The following TBC1D5 variants were observed in gnomAD, a reference collection of about 807,000 sequenced individuals.
TBC1D5 encodes TBC1 domain family member 5.
Under a neutral mutation model 100.3 loss-of-function variants are expected in TBC1D5, and 75 were observed. The ratio of observed to expected loss-of-function variants is 0.75; its 90% CI spans 0.62 to 0.91. TBC1D5 has a LOEUF of 0.91. TBC1D5 is among the 40% of genes least tolerant of loss of function. The pLI is 0.00. For missense variants in TBC1D5, 910 were observed against 942.4 expected (o/e 0.97, Z 0.45); for synonymous variants, 323 against 325.6 (o/e 0.99, Z 0.09).
At chr3:17,738,798 G>A (rs1044990806) in intron 1 of TBC1D5, among the ~76,000 whole-genome samples, 2 of 152,120 alleles carry the variant, frequency 1.3e-5, no homozygotes, top group African/African-American at 4.8e-5. Flanking sequence ...GAGAGAATTT[G>A]GGACAATCTT....
intron 3 of TBC1D5, among the ~76,000 whole-genome samples, chr3:17,468,794 G>T (rs2095339475): frequency 6.6e-6 from 1 of 152,130 alleles, no homozygotes; most frequent in African/African-American, 2.4e-5. Flanking sequence ...TTAAACTAAT[G>T]ATGTTCCTTT....
At chr3:17,600,259 T>C (rs1474743640) in intron 2 of TBC1D5, among the ~76,000 whole-genome samples, 1 of 152,150 alleles carries the variant, frequency 6.6e-6, no homozygotes, top group African/African-American at 2.4e-5. Flanking sequence ...ACGGAGGTGA[T>C]AGGTGTATAT....
At chr3:17,732,567 C>A (rs1235191889) in intron 1 of TBC1D5, among the ~76,000 whole-genome samples, 2 of 151,368 alleles carry the variant, frequency 1.3e-5, no homozygotes, top group East Asian at 3.9e-4. Context: ...GGCAAAACCC[C>A]AACTCTACTA....
chr3:17,428,560 C>T (rs778370796), intron 3 of TBC1D5, 41 bp from the exon 4 acceptor site: 3 of 1,147,030 alleles, frequency 2.6e-6, no homozygotes, highest in East Asian at 5.6e-5. Context: ...TGGAGATAAA[C>T]TGAATATTTC....
At chr3:17,418,112 A>T (rs527458615) in intron 4 of TBC1D5, among the ~76,000 whole-genome samples, 2 of 152,294 alleles carry the variant, frequency 1.3e-5, no homozygotes, top group African/African-American at 2.4e-5. Flanking sequence ...GTATGTTCAG[A>T]TACAAGGACA....
chr3:17,485,008 G>A (rs1056285713), intron 3 of TBC1D5, among the ~76,000 whole-genome samples: 7 of 152,038 alleles, frequency 4.6e-5, no homozygotes, highest in Non-Finnish European at 1.0e-4. Flanking sequence ...ACAGAGATAT[G>A]ATAAACATAA....
At chr3:17,703,701 C>G (rs1219733494) in intron 1 of TBC1D5, among the ~76,000 whole-genome samples, 1 of 151,984 alleles carries the variant, frequency 6.6e-6, no homozygotes, top group Non-Finnish European at 1.5e-5. Flanking sequence ...GCTTTCCCAC[C>G]TAAACATCCC....
intron 4 of TBC1D5, among the ~76,000 whole-genome samples, chr3:17,412,574 T>TA (rs1054890727): frequency 2.0e-5 from 3 of 151,842 alleles, no homozygotes; most frequent in African/African-American, 7.3e-5. Flanking sequence ...CAGTTTAATT[T>TA]AAAAAAAAGT....
intron 18 of TBC1D5, among the ~76,000 whole-genome samples, chr3:17,194,066 G>T (rs2070330951): frequency 6.6e-6 from 1 of 152,086 alleles, no homozygotes; most frequent in African/African-American, 2.4e-5. Context: ...AGTAGGTCTG[G>T]GTTGGGGCCT....
chr3:17,481,769 C>T (rs1470969447), intron 3 of TBC1D5, among the ~76,000 whole-genome samples: 1 of 152,172 alleles, frequency 6.6e-6, no homozygotes, highest in Non-Finnish European at 1.5e-5. Context: ...GAGTCTCGCT[C>T]TTGTCGCCCA....
chr3:17,481,260 G>A (rs889246907), intron 3 of TBC1D5, among the ~76,000 whole-genome samples: 20 of 152,202 alleles, frequency 1.3e-4, no homozygotes, highest in South Asian at 6.2e-4. Flanking sequence ...GCCTGGCTGC[G>A]TGCAGTGGCC....
At chr3:17,386,215 A>G (rs1279839549) in intron 8 of TBC1D5, among the ~76,000 whole-genome samples, 1 of 152,086 alleles carries the variant, frequency 6.6e-6, no homozygotes, top group East Asian at 1.9e-4. Context: ...TTCATTCCCA[A>G]AAATCTGGAT....
At chr3:17,546,226 T>C (rs1443053992) in intron 2 of TBC1D5, among the ~76,000 whole-genome samples, 8 of 152,130 alleles carry the variant, frequency 5.3e-5, no homozygotes, top group Non-Finnish European at 8.8e-5. Context: ...AAAAAACCCA[T>C]AGCTATCATG....
intron 1 of TBC1D5, among the ~76,000 whole-genome samples, chr3:17,679,843 A>G (rs2069197041): frequency 6.6e-6 from 1 of 151,522 alleles, no homozygotes; most frequent in Admixed American, 6.6e-5. Flanking sequence ...GTTTTGTGGT[A>G]CTTGGGACAA....
At chr3:17,642,329 T>C (rs1457552535) in intron 1 of TBC1D5, among the ~76,000 whole-genome samples, 2 of 152,102 alleles carry the variant, frequency 1.3e-5, no homozygotes, top group Non-Finnish European at 2.9e-5. Flanking sequence ...TATAACCATA[T>C]ATATTATCAT....
intron 1 of TBC1D5, among the ~76,000 whole-genome samples, chr3:17,702,506 C>T (rs2073354624): frequency 6.6e-6 from 1 of 151,898 alleles, no homozygotes; most frequent in South Asian, 2.1e-4. Flanking sequence ...AAAAAATACA[C>T]AGAAAAGGAT....
At chr3:17,533,916 A>G (rs566877809) in intron 2 of TBC1D5, among the ~76,000 whole-genome samples, 1 of 152,286 alleles carries the variant, frequency 6.6e-6, no homozygotes, top group East Asian at 1.9e-4. Flanking sequence ...AGATAGATTC[A>G]TTTCATATTG....
chr3:17,193,472 T>A (rs2070239234), intron 18 of TBC1D5, among the ~76,000 whole-genome samples: 1 of 152,290 alleles, frequency 6.6e-6, no homozygotes, highest in African/African-American at 2.4e-5. Context: ...TTAATTCAGA[T>A]CACATGCTTG....
At chr3:17,598,789 A>G (rs1457988903) in intron 2 of TBC1D5, among the ~76,000 whole-genome samples, 1 of 152,248 alleles carries the variant, frequency 6.6e-6, no homozygotes, top group Non-Finnish European at 1.5e-5. Flanking sequence ...AGTAATTTAG[A>G]TATATCTTTT....
Sources: allele counts gnomAD v4.1 joint callset (sites outside exome capture counted in the v4.1 genomes callset), GRCh38; gene constraint gnomAD v4.1.1; transcripts MANE v1.5; gene names NCBI Gene and HGNC (gene_info 2026-07-23, HGNC 2026-07-21).